FEM1B: variants seen among roughly 807,000 people sequenced by gnomAD.
The protein encoded by FEM1B is fem-1 homolog B.
FEM1B carries 10 observed loss-of-function variants against 38.6 expected under a neutral mutation model. The ratio of observed to expected loss-of-function variants is 0.26; its 90% CI spans 0.16 to 0.44. FEM1B has a LOEUF of 0.44. Among genes scored for constraint, FEM1B ranks in the 20% least tolerant of loss-of-function variants. The pLI is 1.00. For missense variants in FEM1B, 471 were observed against 786.7 expected, an observed-to-expected ratio of 0.60 and a Z score of 4.80; for synonymous variants, 288 against 288.0, an observed-to-expected ratio of 1.00 and a Z score of 0.00.
chr15:68,287,014 C>A (rs113521146), intron 1 of FEM1B, among the ~76,000 whole-genome samples: 3,421 of 152,160 alleles, frequency 0.022, 104 homozygotes, highest in African/African-American at 0.071. Context: ...CAGCCTCCTG[C>A]GTAGCTGGGA....
rs896333524 is a variant in FEM1B at position 68,281,559 on chromosome 15, T to G, written c.248+2894T>G. Among the ~76,000 whole-genome samples the G allele has an allele frequency of 6.6e-6, 1 of 152,224 alleles. No homozygotes were observed. The highest frequency in any genetic ancestry group is 1.5e-5 in the Non-Finnish European group (1 of 68,024). On this transcript the variant is annotated intron_variant, in intron 1 of 1. Coordinates refer to ENST00000306917, the MANE Select transcript of FEM1B (RefSeq NM_015322.5). The surrounding 1 kb of genome is among the most constrained non-coding windows in gnomAD (Gnocchi z 5.1). ...TTAGGAAACTAAAGTGGATTCATGA[T>G]AGAGCCTCGAGGGGAAAGGGACCAC...
In FEM1B at chr15:68,289,363, T is replaced by C; in HGVS notation, c.249-244T>C. 2.4e-6 allele frequency: 1 copy of C among 416,572 alleles called. No individual in the cohort carries two copies. Among genetic ancestry groups the C allele is most frequent in the Admixed American group, 4.0e-5 (1 of 25,122 alleles). 25.8% of individuals were successfully genotyped at this position (416,572 alleles called of 1,614,324 possible). A position where few individuals can be genotyped will look rare whatever the true frequency, so the allele number is the denominator to read the frequency against. ...AGTAGAAAGTTCGTGATTTTTCAGG[T>C]TTGTTTTTTAGGGTTATATACTCTA... On this transcript the variant is annotated intron_variant, in intron 1 of 1. Coordinates refer to ENST00000306917, the MANE Select transcript of FEM1B (RefSeq NM_015322.5). The surrounding 1 kb of genome is among the most constrained non-coding windows in gnomAD (Gnocchi z 6.9).
In FEM1B at chr15:68,288,515, A is replaced by T. The variant is rs879369780; in HGVS notation, c.249-1092A>T. 6.6e-6 allele frequency among the ~76,000 whole-genome samples: 1 copy of T among 152,224 alleles called. No individual in the cohort carries two copies. Among genetic ancestry groups the T allele is most frequent in the Non-Finnish European group, 1.5e-5 (1 of 68,034 alleles). On this transcript the variant is annotated intron_variant, in intron 1 of 1. Coordinates refer to ENST00000306917, the MANE Select transcript of FEM1B (RefSeq NM_015322.5). This position sits in a 1 kb window ranked among gnomAD's most constrained non-coding sequence, Gnocchi z 4.6. ...TCTTTTGGTTAGTGGTAAGAAATTT[A>T]GAAATTAAGGTTGGGGAAAAATTGA...
chr15:68,282,074 T>G (rs1892734919), intron 1 of FEM1B, among the ~76,000 whole-genome samples: 1 of 152,114 alleles, frequency 6.6e-6, no homozygotes. Flanking sequence ...TTGTTAAGAA[T>G]GTTATAAAAA....
rs1351605690 is a variant in FEM1B, at chr15:68,293,649, ATCTAAT to A, written c.*2412_*2417del. 1.6e-4 allele frequency: 25 copies of A among 152,184 alleles called. No homozygotes were observed. Among genetic ancestry groups the A allele is most frequent in the African/African-American group, 2.9e-4 (12 of 41,440 alleles). The allele number at this position is 152,184 out of a possible 1,614,324, so 9.4% of individuals were successfully genotyped here. On this transcript the variant is annotated 3_prime_UTR_variant, in exon 2 of 2. Coordinates refer to ENST00000306917, the MANE Select transcript of FEM1B (RefSeq NM_015322.5). The surrounding 1 kb of genome is among the most constrained non-coding windows in gnomAD (Gnocchi z 5.8). ...TAAATTGTGTAGTATCTTGCTGAGA[ATCTAAT>A]TCTATCTTGTAAAATCAATCCAAAT... is the stretch of plus-strand genomic sequence containing the variant.
rs1185223067 is a variant in FEM1B, at chr15:68,284,750, T to C, written c.249-4857T>C. 2.0e-5 allele frequency among the ~76,000 whole-genome samples: 3 copies of C among 152,210 alleles called. No individual in the cohort carries two copies. Among genetic ancestry groups the C allele is most frequent in the Non-Finnish European group, 2.9e-5 (2 of 68,030 alleles). On this transcript the variant is annotated intron_variant, in intron 1 of 1. Transcript: ENST00000306917. This position sits in a 1 kb window ranked among gnomAD's most constrained non-coding sequence, Gnocchi z 4.4. ...TTGGCTATGTCCCACCCAAATCTTA[T>C]CTTGAATTCCCACGTGTTGTGGGAG...
In FEM1B at chr15:68,277,771, G is replaced by C. The variant is rs1176747653; in HGVS notation, c.-647G>C. 5 of 152,328 alleles carry C rather than the reference G, an allele frequency of 3.3e-5. No homozygotes were observed. Among genetic ancestry groups the C allele is most frequent in the Non-Finnish European group, 7.3e-5 (5 of 68,094 alleles). The allele number at this position is 152,328 out of a possible 1,614,324, so 9.4% of individuals were successfully genotyped here. On this transcript the variant is annotated 5_prime_UTR_variant, in exon 1 of 2. Transcript: ENST00000306917. Reference sequence around the variant, plus strand: ...TCTCCTCCCGGCCCTGTCTGCGAAAGCTCGTCTTCCTCCCCGCCCAAGTTC... The same window carrying C: ...TCTCCTCCCGGCCCTGTCTGCGAAACCTCGTCTTCCTCCCCGCCCAAGTTC...
rs992578456 is a variant in FEM1B at position 68,292,948 on chromosome 15, A to G, written c.*1706A>G. The G allele has an allele frequency of 2.6e-5, 4 of 152,180 alleles. No individual in the cohort carries two copies. Among genetic ancestry groups the G allele is most frequent in the Non-Finnish European group, 4.4e-5 (3 of 68,008 alleles). The allele number at this position is 152,180 out of a possible 1,614,324, so 9.4% of individuals were successfully genotyped here. A position where few individuals can be genotyped will look rare whatever the true frequency, so the allele number is the denominator to read the frequency against. On this transcript the variant is annotated 3_prime_UTR_variant, in exon 2 of 2. Transcript: ENST00000306917. ...TCATTATACTTTGTCTTCTTGCTTC[A>G]GTTAGGAAGGTTTTGATGGTAAATT...
chr15:68,278,625 C>G lies in FEM1B; in HGVS notation c.208C>G (p.Arg70Gly), dbSNP rs1327757739. 1 of 1,614,062 alleles carries G rather than the reference C, an allele frequency of 6.2e-7. No homozygotes were observed. Among genetic ancestry groups the G allele is most frequent in the Non-Finnish European group, 8.5e-7 (1 of 1,180,028 alleles). The change falls in exon 1 of 2, where the codon CGG becomes GGG. Residue 70 changes from arginine (R) to glycine (G), a missense_variant. Arg to Gly is a moderately radical substitution (Grantham distance 125). This residue lies in a region of FEM1B where 91 missense variants were observed against 169.6 expected (regional missense o/e 0.54). Coordinates refer to ENST00000306917, the MANE Select transcript of FEM1B (RefSeq NM_015322.5). The surrounding 1 kb of genome is among the most constrained non-coding windows in gnomAD (Gnocchi z 5.7). ...KVVRLLLEHYRVQTQQTGTVR... is the reference protein window; with the variant it reads ...KVVRLLLEHYGVQTQQTGTVR... ...GGTACGCTTGCTCTTAGAACATTAC[C>G]GGGTGCAGACTCAGCAGACTGGCAC...
At position 68,293,495 on chromosome 15, in the gene FEM1B, A is replaced by G. The variant is rs1023160311; in HGVS notation, c.*2253A>G. The G allele has an allele frequency of 6.6e-6, 1 of 152,208 alleles. No homozygotes were observed. Among genetic ancestry groups the G allele is most frequent in the Non-Finnish European group, 1.5e-5 (1 of 68,020 alleles). The allele number at this position is 152,208 out of a possible 1,614,324, so 9.4% of individuals were successfully genotyped here. ...AATGACATTCTATTTTGAGAAGGGAAGACAATGCTGAAGAAAGTAAAACTG... is the reference window on the plus strand; with the variant it reads ...AATGACATTCTATTTTGAGAAGGGAGGACAATGCTGAAGAAAGTAAAACTG... On this transcript the variant is annotated 3_prime_UTR_variant, in exon 2 of 2. Transcript: ENST00000306917. The surrounding 1 kb of genome is among the most constrained non-coding windows in gnomAD (Gnocchi z 5.8).
chr15:68,281,969 T>C lies in FEM1B; in HGVS notation c.248+3304T>C, dbSNP rs1276820992. On this transcript the variant is annotated intron_variant, in intron 1 of 1. Coordinates refer to ENST00000306917, the MANE Select transcript of FEM1B (RefSeq NM_015322.5). The surrounding 1 kb of genome is among the most constrained non-coding windows in gnomAD (Gnocchi z 5.1). ...AGATTATTTTACTTGTGGCGTGACA[T>C]GTGAATACCATGTTGATATAGATGA... Among the ~76,000 whole-genome samples the C allele has an allele frequency of 6.6e-6, 1 of 152,172 alleles. No individual in the cohort carries two copies. The highest frequency in any genetic ancestry group is 1.5e-5 in the Non-Finnish European group (1 of 68,026).
rs960030136 is a variant in FEM1B at position 68,295,348 on chromosome 15, G to A, written c.*4106G>A. The A allele has an allele frequency of 1.3e-5, 2 of 152,142 alleles. No individual in the cohort carries two copies. Among genetic ancestry groups the A allele is most frequent in the Admixed American group, 1.3e-4 (2 of 15,274 alleles). 9.4% of individuals were successfully genotyped at this position (152,142 alleles called of 1,614,324 possible). A position where few individuals can be genotyped will look rare whatever the true frequency, so the allele number is the denominator to read the frequency against. ...CAAATGATGAAATGAACAAGATTTT[G>A]TATCTATTTTTTATCAGGTGTTGTA... On this transcript the variant is annotated 3_prime_UTR_variant, in exon 2 of 2. Transcript: ENST00000306917.
In FEM1B at chr15:68,295,677, G is replaced by T. The variant is rs1323347245; in HGVS notation, c.*4435G>T. 3 of 152,166 alleles carry T rather than the reference G, an allele frequency of 2.0e-5. No homozygotes were observed. The East Asian group carries it at 5.8e-4, about 29-fold the overall frequency. 9.4% of individuals were successfully genotyped at this position (152,166 alleles called of 1,614,324 possible). Reference sequence around the variant, plus strand: ...CTTTAATAAACATAGTAAACTTGCTGACTGCACCAGAGGTCCATTAGTGAT... The same window carrying T: ...CTTTAATAAACATAGTAAACTTGCTTACTGCACCAGAGGTCCATTAGTGAT... On this transcript the variant is annotated 3_prime_UTR_variant, in exon 2 of 2. Coordinates refer to ENST00000306917, the MANE Select transcript of FEM1B (RefSeq NM_015322.5).
At position 68,281,985 on chromosome 15, in the gene FEM1B, A is replaced by G. The variant is rs1273889935; in HGVS notation, c.248+3320A>G. ...GGCGTGACATGTGAATACCATGTTG[A>G]TATAGATGAGTGGACAAGAAGAAAA... On this transcript the variant is annotated intron_variant, in intron 1 of 1. Coordinates refer to ENST00000306917, the MANE Select transcript of FEM1B (RefSeq NM_015322.5). The surrounding 1 kb of genome is among the most constrained non-coding windows in gnomAD (Gnocchi z 5.1). Among the ~76,000 whole-genome samples the G allele has an allele frequency of 6.6e-6, 1 of 152,096 alleles. No individual in the cohort carries two copies. The highest frequency in any genetic ancestry group is 1.5e-5 in the Non-Finnish European group (1 of 68,002).
rs533141310 is a variant in FEM1B at position 68,278,132 on chromosome 15, T to C, written c.-286T>C. On this transcript the variant is annotated 5_prime_UTR_variant, in exon 1 of 2. The change abolishes an upstream ATG in the 5' untranslated region. Coordinates refer to ENST00000306917, the MANE Select transcript of FEM1B (RefSeq NM_015322.5). This position sits in a 1 kb window ranked among gnomAD's most constrained non-coding sequence, Gnocchi z 5.7. ...CTGAGGCCCGGGGCGGCGTCCGCCA[T>C]GGAGATCCCCTCGGTCCAGGGCCGG... is the stretch of plus-strand genomic sequence containing the variant. 5 of 337,598 alleles carry C rather than the reference T, an allele frequency of 1.5e-5. No homozygotes were observed. Among genetic ancestry groups the C allele is most frequent in the African/African-American group, 4.4e-5 (2 of 45,646 alleles). 20.9% of individuals were successfully genotyped at this position (337,598 alleles called of 1,614,324 possible).
intron 1 of FEM1B, among the ~76,000 whole-genome samples, chr15:68,285,160 A>G (rs1451717272): frequency 6.6e-6 from 1 of 151,534 alleles, no homozygotes; most frequent in East Asian, 1.9e-4. Context: ...CGCTTAACAC[A>G]GTGTCTTTGA....
At chr15:68,283,858 A>G (rs2140243076) in intron 1 of FEM1B, among the ~76,000 whole-genome samples, 1 of 149,850 alleles carries the variant, frequency 6.7e-6, no homozygotes, top group South Asian at 2.1e-4. Context: ...TATTCCAAGT[A>G]CTTTTGTATT....
In FEM1B at chr15:68,278,229, C is replaced by T. The variant is rs1892683163; in HGVS notation, c.-189C>T. ...GGCTGGGTCGCGGACGTGCCCTTCG[C>T]GGCACTCGGCCTCCTCTGCGTCTCC... On this transcript the variant is annotated 5_prime_UTR_variant, in exon 1 of 2. Coordinates refer to ENST00000306917, the MANE Select transcript of FEM1B (RefSeq NM_015322.5). The surrounding 1 kb of genome is among the most constrained non-coding windows in gnomAD (Gnocchi z 5.7). 2 of 750,704 alleles carry T rather than the reference C, an allele frequency of 2.7e-6. No individual in the cohort carries two copies. Among genetic ancestry groups the T allele is most frequent in the Non-Finnish European group, 4.1e-6 (2 of 489,138 alleles). The allele number at this position is 750,704 out of a possible 1,614,324, so 46.5% of individuals were successfully genotyped here.
chr15:68,294,888 C>T lies in FEM1B; in HGVS notation c.*3646C>T, dbSNP rs1892887082. 1 of 152,078 alleles carries T rather than the reference C, an allele frequency of 6.6e-6. No homozygotes were observed. The highest frequency in any genetic ancestry group is 1.5e-5 in the Non-Finnish European group (1 of 68,022). The allele number at this position is 152,078 out of a possible 1,614,324, so 9.4% of individuals were successfully genotyped here. On this transcript the variant is annotated 3_prime_UTR_variant, in exon 2 of 2. Transcript: ENST00000306917. The surrounding 1 kb of genome is among the most constrained non-coding windows in gnomAD (Gnocchi z 4.4). ...ATATTTTTAGTCCAGAGGTTTTAAGCTGTGTGTCCATTCCTACTCTGAAAA... is the reference window on the plus strand; with the variant it reads ...ATATTTTTAGTCCAGAGGTTTTAAGTTGTGTGTCCATTCCTACTCTGAAAA...
Sources: gnomAD v4.1 joint callset for allele counts (sites outside exome capture counted in the v4.1 genomes callset) on GRCh38, gnomAD v4.1.1 for gene constraint, gnomAD v4.1.1 regional missense constraint, Gnocchi (gnomAD v3.1) non-coding constraint, MANE v1.5 for transcripts, NCBI Gene and HGNC (gene_info 2026-07-23, HGNC 2026-07-21) for gene names.